NOTCH2: variants seen among roughly 807,000 people sequenced by gnomAD.
NOTCH2 encodes neurogenic locus notch homolog protein 2.
NOTCH2 carries 29 observed loss-of-function variants against 235.8 expected under a neutral mutation model. That is an observed-to-expected ratio of 0.12 (90% CI 0.09 to 0.17). NOTCH2 has a LOEUF of 0.17. Ranked by LOEUF, NOTCH2 falls within the 10% of genes least tolerant of loss-of-function variation. NOTCH2 has a pLI of 1.00. For missense variants in NOTCH2, 2,285 were observed against 3,150.2 expected (o/e 0.73, Z 6.57); for synonymous variants, 1,086 against 1,141.5 (o/e 0.95, Z 0.98).
rs782154565 is a variant in NOTCH2 at position 119,937,409 on chromosome 1, G to C, written c.3395C>G (p.Thr1132Arg). The C allele has an allele frequency of 2.5e-6, 4 of 1,614,118 alleles. No homozygotes were observed. The Admixed American group carries it at 6.7e-5, about 27-fold the overall frequency. ...GCCCAGGGGGCACTGACAGTAATGC[G>C]TGTTGCCAGCATTGATGCAGACACC... Reference protein sequence around the residue: ...HSGVCINAGNTHYCQCPLGYT... With the variant: ...HSGVCINAGNRHYCQCPLGYT... The change falls in exon 21 of 34, where the codon ACG becomes AGG. Residue 1132 changes from threonine (T) to arginine (R), a missense_variant. Around this residue, in one of 6 missense-constraint regions of NOTCH2, gnomAD observed 1,173 missense variants for 1,515.3 expected, o/e 0.77. Coordinates refer to ENST00000256646, the MANE Select transcript of NOTCH2 (RefSeq NM_024408.4).
At chr1:119,928,725 A>G (rs1649554995) in intron 23 of NOTCH2, among the ~76,000 whole-genome samples, 1 of 152,256 alleles carries the variant, frequency 6.6e-6, no homozygotes. Flanking sequence ...ATTGTAAAAA[A>G]TATTCCTGCC....
rs746962909 is a variant in NOTCH2, at chr1:119,922,240, G to T, written c.5209C>A (p.Leu1737Met). The change falls in exon 28 of 34, where the codon CTG becomes ATG. Residue 1737 changes from leucine (L) to methionine (M), a missense_variant. By Grantham distance (15) the Leu-to-Met change is conservative. Transcript: ENST00000256646. ...REPVGQDAVG[L>M]KNLSVQVSEA... Reference sequence around the variant, plus strand: ...CTTATTGGCAATGCCTCTTACTTCAGCCCCACAGCATCCTGTCCCACTGGC... The same window carrying T: ...CTTATTGGCAATGCCTCTTACTTCATCCCCACAGCATCCTGTCCCACTGGC... 6.2e-7 allele frequency: 1 copy of T among 1,613,606 alleles called. No individual in the cohort carries two copies. Among genetic ancestry groups the T allele is most frequent in the Non-Finnish European group, 8.5e-7 (1 of 1,179,858 alleles).
In NOTCH2 at chr1:119,911,937, T is replaced by C. The variant is rs1648908143; in HGVS notation, c.*3369A>G. 4.3e-6 allele frequency: 1 copy of C among 233,210 alleles called. No homozygotes were observed. Among genetic ancestry groups the C allele is most frequent in the Non-Finnish European group, 8.5e-6 (1 of 118,054 alleles). The allele number at this position is 233,210 out of a possible 1,614,324, so 14.4% of individuals were successfully genotyped here. On this transcript the variant is annotated 3_prime_UTR_variant, in exon 34 of 34. Transcript: ENST00000256646. Reference sequence around the variant, plus strand: ...AGGAAGAAAAAAAGAAGTTTGGTGCTAGGCTTTGTGGGATTCAGAAAGAAA... The same window carrying C: ...AGGAAGAAAAAAAGAAGTTTGGTGCCAGGCTTTGTGGGATTCAGAAAGAAA...
rs764151853 is a variant in NOTCH2, at chr1:119,922,796, A to G, written c.4860-18T>C. 1 of 1,613,964 alleles carries G rather than the reference A, an allele frequency of 6.2e-7. No homozygotes were observed. The highest frequency in any genetic ancestry group is 1.1e-5 in the South Asian group (1 of 91,072). On this transcript the variant is annotated intron_variant, in intron 26 of 33. Coordinates refer to ENST00000256646, the MANE Select transcript of NOTCH2 (RefSeq NM_024408.4). ...CTTTAGAGCTGTGGGATGCCAAGGG[A>G]GAAGCGGAGGAGGAGAGATGGGGGT...
chr1:119,978,377 C>G (rs1157106391), intron 5 of NOTCH2, among the ~76,000 whole-genome samples: 1 of 152,106 alleles, frequency 6.6e-6, no homozygotes, highest in African/African-American at 2.4e-5. Context: ...TGAAGTGTTT[C>G]CAGCAAAGAA....
intron 14 of NOTCH2, 70 bp from the exon 15 acceptor site, chr1:119,950,907 T>A: frequency 1.0e-6 from 1 of 960,174 alleles, no homozygotes; most frequent in Non-Finnish European, 1.7e-6. Flanking sequence ...TAACCAATTC[T>A]CTTTAGGGGT....
intron 17 of NOTCH2, among the ~76,000 whole-genome samples, chr1:119,943,358 G>A (rs1287705222): frequency 6.6e-6 from 1 of 152,114 alleles, no homozygotes; most frequent in Non-Finnish European, 1.5e-5. Flanking sequence ...CCACCAGAAA[G>A]AAGTAGGCAG....
chr1:120,003,580 T>G (rs1454830125), intron 3 of NOTCH2, among the ~76,000 whole-genome samples: 1 of 151,808 alleles, frequency 6.6e-6, no homozygotes, highest in Non-Finnish European at 1.5e-5. Flanking sequence ...CTTGGTTTAG[T>G]GCTTAAAGCA....
chr1:119,974,646 C>A (rs587601934), intron 5 of NOTCH2, among the ~76,000 whole-genome samples: 6 of 152,318 alleles, frequency 3.9e-5, no homozygotes, highest in African/African-American at 1.4e-4. Flanking sequence ...ACATTAAGTT[C>A]TCTCCTGCCT....
chr1:120,015,896 G>T, intron 2 of NOTCH2, among the ~76,000 whole-genome samples: 1 of 120,238 alleles, frequency 8.3e-6, no homozygotes, highest in African/African-American at 3.1e-5. Context: ...AAAAAGAGAA[G>T]AAGCTCTGTC....
At chr1:119,918,746 A>G (rs1053433216) in intron 31 of NOTCH2, among the ~76,000 whole-genome samples, 193 bp from the exon 32 acceptor site, 3 of 152,264 alleles carry the variant, frequency 2.0e-5, no homozygotes, top group African/African-American at 7.2e-5. Context: ...ATAAATAAAT[A>G]CATGCTCAAT....
chr1:119,971,758 G>A (rs1054531333), intron 5 of NOTCH2, among the ~76,000 whole-genome samples: 2 of 152,076 alleles, frequency 1.3e-5, no homozygotes, highest in Admixed American at 1.3e-4. Flanking sequence ...TGCACAAAGA[G>A]AAAAAAACAT....
At chr1:120,060,459 A>G (rs1396762120) in intron 1 of NOTCH2, among the ~76,000 whole-genome samples, 4 of 149,142 alleles carry the variant, frequency 2.7e-5, no homozygotes, top group African/African-American at 9.8e-5. Context: ...AAATATATAT[A>G]TATATATATA....
Position 119,925,533 on chromosome 1 carries a change from T to C in NOTCH2, c.4283A>G (p.Gln1428Arg), listed in dbSNP as rs774893514. The change falls in exon 25 of 34, where the codon CAG becomes CGG. Residue 1428 changes from glutamine to arginine, a missense_variant. Transcript: ENST00000256646. ...PSTPPATCLSQYCADKARDGV... is the reference protein window; with the variant it reads ...PSTPPATCLSRYCADKARDGV... Reference sequence around the variant, plus strand: ...ATCCCGAGCTTTGTCGGCACAATACTGGCTCAGACAGGTGGCAGGAGGGGT... The same window carrying C: ...ATCCCGAGCTTTGTCGGCACAATACCGGCTCAGACAGGTGGCAGGAGGGGT... The C allele has an allele frequency of 6.2e-7, 1 of 1,614,098 alleles. No individual in the cohort carries two copies. The highest frequency in any genetic ancestry group is 2.2e-5 in the East Asian group (1 of 44,854).
At chr1:120,004,780 AT>A (rs374383179) in intron 3 of NOTCH2, among the ~76,000 whole-genome samples, 7,358 of 150,338 alleles carry the variant, frequency 0.049, 206 homozygotes, top group South Asian at 0.11. Flanking sequence ...TGGTGTACAT[AT>A]TTTTTTTTTG....
Position 119,922,368 on chromosome 1 carries a change from A to G in NOTCH2, c.5081T>C (p.Leu1694Pro), listed in dbSNP as rs1649315761. ...VAVVIILFII[L>P]LGVIMAKRKR... ...TCGTTTTGCCATGATTACCCCCAGC[A>G]GAATAATAAACAGAATGATGACAAC... is the stretch of plus-strand genomic sequence containing the variant. Residue 1694 changes from leucine (L) to proline (P), a missense_variant, in exon 28 of 34, where the codon CTG becomes CCG. Around this residue, in one of 6 missense-constraint regions of NOTCH2, gnomAD observed 1,173 missense variants for 1,515.3 expected, o/e 0.77. Coordinates refer to ENST00000256646, the MANE Select transcript of NOTCH2 (RefSeq NM_024408.4). 1.2e-6 allele frequency: 2 copies of G among 1,614,100 alleles called. No individual in the cohort carries two copies. The highest frequency in any genetic ancestry group is 1.7e-5 in the Admixed American group (1 of 60,004).
intron 14 of NOTCH2, among the ~76,000 whole-genome samples, chr1:119,951,915 A>C (rs1244902255): frequency 1.3e-5 from 2 of 152,268 alleles, no homozygotes; most frequent in Non-Finnish European, 1.5e-5. Flanking sequence ...TAAAGAAATA[A>C]AAGTGTTTTG....
intron 1 of NOTCH2, among the ~76,000 whole-genome samples, chr1:120,033,443 G>A (rs1361056518): frequency 2.4e-4 from 17 of 72,296 alleles, no homozygotes; most frequent in Middle Eastern, 9.4e-3. Flanking sequence ...AAAAAAAAAA[G>A]CTGTGGTAGA....
intron 17 of NOTCH2, among the ~76,000 whole-genome samples, chr1:119,946,390 T>C (rs1170331242): frequency 2.6e-5 from 4 of 151,994 alleles, no homozygotes; most frequent in African/African-American, 9.7e-5. Flanking sequence ...TGAACACAGA[T>C]ATAGAAATCC....
Sources: gnomAD v4.1 joint callset for allele counts (sites outside exome capture counted in the v4.1 genomes callset) on GRCh38, gnomAD v4.1.1 for gene constraint, gnomAD v4.1.1 regional missense constraint, MANE v1.5 for transcripts, NCBI Gene and HGNC (gene_info 2026-07-23, HGNC 2026-07-21) for gene names.